The following UVRAG variants were observed in gnomAD, a reference collection of about 807,000 sequenced individuals.
UVRAG encodes the protein UV radiation resistance-associated gene protein.
In UVRAG, 19 loss-of-function variants were observed where a neutral mutation model predicts 78.0. The ratio of observed to expected loss-of-function variants is 0.24; its 90% CI spans 0.17 to 0.36. UVRAG has a LOEUF of 0.36. Among genes scored for constraint, UVRAG ranks in the 10% least tolerant of loss-of-function variants. The pLI is 1.00. For synonymous variants in UVRAG, 323 were observed against 324.6 expected (o/e 1.00, Z 0.05); for missense variants, 740 against 853.8 (o/e 0.87, Z 1.66).
intron 8 of UVRAG, among the ~76,000 whole-genome samples, chr11:75,993,237 T>C (rs1012571137): frequency 6.6e-6 from 1 of 152,198 alleles, no homozygotes; most frequent in African/African-American, 2.4e-5. Context: ...AGCAGGATGA[T>C]TTATTGGAAA....
intron 12 of UVRAG, among the ~76,000 whole-genome samples, chr11:76,043,813 C>G (rs1286827352): frequency 1.3e-5 from 2 of 152,076 alleles, no homozygotes; most frequent in Non-Finnish European, 2.9e-5. Context: ...TAAAGAAAGT[C>G]TTTGGTTAAA....
chr11:76,094,405 C>A (rs770041445), intron 13 of UVRAG, among the ~76,000 whole-genome samples: 3 of 152,052 alleles, frequency 2.0e-5, no homozygotes, highest in South Asian at 2.1e-4. Context: ...CTCTTTTTCT[C>A]TTGATTGGAA....
intron 5 of UVRAG, chr11:75,911,206 G>T: frequency 6.3e-6 from 1 of 158,814 alleles, no homozygotes. Context: ...CTCAAACCGA[G>T]CTGGCTTCCT....
intron 7 of UVRAG, among the ~76,000 whole-genome samples, chr11:75,975,417 C>G (rs1466588302): frequency 6.6e-6 from 1 of 152,102 alleles, no homozygotes; most frequent in Non-Finnish European, 1.5e-5. Flanking sequence ...TCATTGGTAG[C>G]TTGATGGGGA....
At chr11:75,820,019 C>T (rs928280583) in intron 1 of UVRAG, among the ~76,000 whole-genome samples, 1 of 152,176 alleles carries the variant, frequency 6.6e-6, no homozygotes, top group Non-Finnish European at 1.5e-5. Context: ...CAAGATCTTG[C>T]TCTGTTGCCC....
At chr11:76,044,799 A>G (rs963378371) in intron 12 of UVRAG, among the ~76,000 whole-genome samples, 1 of 152,182 alleles carries the variant, frequency 6.6e-6, no homozygotes, top group African/African-American at 2.4e-5. Flanking sequence ...AAGAAAGAAA[A>G]AAAATTTTAA....
intron 13 of UVRAG, among the ~76,000 whole-genome samples, chr11:76,090,594 AG>A (rs1416948182): frequency 1.3e-5 from 2 of 152,210 alleles, no homozygotes; most frequent in Non-Finnish European, 2.9e-5. Context: ...CTACCGTTAT[AG>A]GTTTTCAAAT....
intron 14 of UVRAG, among the ~76,000 whole-genome samples, chr11:76,136,963 A>T (rs1468996274): frequency 2.6e-5 from 4 of 152,218 alleles, no homozygotes; most frequent in African/African-American, 9.7e-5. Flanking sequence ...TGTAATAATT[A>T]AAAATACATG....
At chr11:75,896,781 G>A (rs551173836) in intron 5 of UVRAG, among the ~76,000 whole-genome samples, 2 of 152,236 alleles carry the variant, frequency 1.3e-5, no homozygotes, top group African/African-American at 2.4e-5. Flanking sequence ...GTTACCTCCA[G>A]CCTCAACTTT....
At chr11:76,119,336 T>A (rs1274713421) in intron 14 of UVRAG, among the ~76,000 whole-genome samples, 3 of 152,166 alleles carry the variant, frequency 2.0e-5, no homozygotes, top group Non-Finnish European at 4.4e-5. Context: ...TTCTCTTTTT[T>A]TCTTTCCTCC....
intron 4 of UVRAG, among the ~76,000 whole-genome samples, chr11:75,885,059 G>C (rs1590974517): frequency 6.6e-6 from 1 of 152,000 alleles, no homozygotes; most frequent in South Asian, 2.1e-4. Context: ...TACAGATCTT[G>C]CACATATTTT....
chr11:75,852,115 A>T (rs878954535), intron 2 of UVRAG, 115 bp downstream of exon 2: 2 of 659,598 alleles, frequency 3.0e-6, no homozygotes, highest in Non-Finnish European at 5.1e-6. Context: ...CTAAATTGTT[A>T]TGCTGTCTGA....
chr11:75,994,249 AT>A, intron 8 of UVRAG, among the ~76,000 whole-genome samples: 1 of 152,332 alleles, frequency 6.6e-6, no homozygotes, highest in Admixed American at 6.5e-5. Flanking sequence ...TACTTTCTTG[AT>A]AATAAGGATA....
chr11:76,024,966 C>G (rs1000880881), intron 12 of UVRAG, among the ~76,000 whole-genome samples: 5 of 152,154 alleles, frequency 3.3e-5, no homozygotes, highest in Non-Finnish European at 7.3e-5. Context: ...AGCCTCTCCC[C>G]TCTCTGATTA....
At chr11:75,977,718 T>TGCTTGGTAGATGTTCCTCCATCC (rs2135259241) in intron 7 of UVRAG, among the ~76,000 whole-genome samples, 1 of 152,346 alleles carries the variant, frequency 6.6e-6, no homozygotes, top group Admixed American at 6.5e-5. Flanking sequence ...GTTTTCCATT[T>TGCTTGGTAGATGTTCCTCCATCC]GCTTGGTAGA....
intron 13 of UVRAG, among the ~76,000 whole-genome samples, chr11:76,089,500 G>T (rs940285695): frequency 3.9e-5 from 6 of 152,150 alleles, no homozygotes; most frequent in Non-Finnish European, 8.8e-5. Flanking sequence ...CACAAAGAAT[G>T]CATGACGCGA....
intron 1 of UVRAG, among the ~76,000 whole-genome samples, chr11:75,848,196 CAA>C (rs367973408): frequency 2.1e-4 from 24 of 116,238 alleles, no homozygotes; most frequent in Admixed American, 4.6e-4. Flanking sequence ...GACCCTGTCT[CAA>C]AAAAAAAAAA....
At chr11:75,973,604 ATG>A (rs1357876677) in intron 7 of UVRAG, among the ~76,000 whole-genome samples, 2 of 152,112 alleles carry the variant, frequency 1.3e-5, no homozygotes, top group Non-Finnish European at 2.9e-5. Flanking sequence ...CATGTGCACA[ATG>A]TGCAGTTTTG....
chr11:75,989,144 T>G (rs534439259), intron 8 of UVRAG, among the ~76,000 whole-genome samples: 128 of 152,128 alleles, frequency 8.4e-4, no homozygotes, highest in Non-Finnish European at 1.6e-3. Context: ...CACTGCAGCT[T>G]TCTGGGTTCA....
Sources: allele counts gnomAD v4.1 joint callset (sites outside exome capture counted in the v4.1 genomes callset), GRCh38; gene constraint gnomAD v4.1.1; transcripts MANE v1.5; gene names NCBI Gene and HGNC (gene_info 2026-07-23, HGNC 2026-07-21).